SDK1: variants seen among roughly 807,000 people sequenced by gnomAD.
SDK1 encodes protein sidekick-1.
SDK1 carries 157 observed loss-of-function variants against 245.5 expected under a neutral mutation model. The observed-to-expected ratio is 0.64, with a 90% CI of 0.56 to 0.73. The LOEUF is 0.73. Ranked by LOEUF, SDK1 falls within the 30% of genes least tolerant of loss-of-function variation. The pLI, the probability that SDK1 is intolerant of heterozygous loss-of-function variation, is 0.00. For missense variants in SDK1, 3,583 were observed against 3,002.3 expected, an observed-to-expected ratio of 1.19 and a Z score of -4.52; for synonymous variants, 1,647 against 1,278.5, an observed-to-expected ratio of 1.29 and a Z score of -6.15.
At chr7:3,820,756 A>G (rs1023681674) in intron 4 of SDK1, among the ~76,000 whole-genome samples, 2 of 152,224 alleles carry the variant, frequency 1.3e-5, no homozygotes, top group African/African-American at 4.8e-5. Context: ...GGCGCAGAGA[A>G]AGGGCAGGTG....
chr7:3,811,770 A>G (rs1252399650), intron 4 of SDK1, among the ~76,000 whole-genome samples: 3 of 152,198 alleles, frequency 2.0e-5, no homozygotes, highest in African/African-American at 4.8e-5. Flanking sequence ...GTCAGCAGGG[A>G]TGGCATTTCC....
chr7:3,532,101 T>C (rs1371551800), intron 1 of SDK1, among the ~76,000 whole-genome samples: 1 of 152,214 alleles, frequency 6.6e-6, no homozygotes, highest in African/African-American at 2.4e-5. Flanking sequence ...TTCTACCTTC[T>C]TACTTTTCTG....
rs1788468431 is a variant in SDK1 at position 4,266,362 on chromosome 7, G to A, written c.*978G>A. 5.1e-6 allele frequency: 5 copies of A among 985,294 alleles called. No individual in the cohort carries two copies. In the South Asian group the frequency reaches 2.3e-4, roughly 46 times the overall value. 61.0% of individuals were successfully genotyped at this position (985,294 alleles called of 1,614,324 possible). On this transcript the variant is annotated 3_prime_UTR_variant, in exon 45 of 45. Coordinates refer to ENST00000404826, the MANE Select transcript of SDK1 (RefSeq NM_152744.4). The stretch of plus-strand genomic sequence containing the variant: ...GTTCAGCTTTGTACATGGGAAAGAT[G>A]AAAAGCAACAGTGTCTGCAAATAAA...
chr7:3,660,238 C>T (rs1425376522), intron 4 of SDK1, among the ~76,000 whole-genome samples: 2 of 151,750 alleles, frequency 1.3e-5, no homozygotes, highest in Non-Finnish European at 2.9e-5. Context: ...ATAAGACACC[C>T]ATGAAAATAT....
chr7:3,316,902 G>C (rs1241957059), intron 1 of SDK1, among the ~76,000 whole-genome samples: 3 of 152,044 alleles, frequency 2.0e-5, no homozygotes, highest in Admixed American at 2.0e-4. Flanking sequence ...CTGGGGGTCT[G>C]GGTACTGTGG....
intron 4 of SDK1, among the ~76,000 whole-genome samples, chr7:3,675,376 T>G (rs936820966): frequency 6.6e-6 from 1 of 152,238 alleles, no homozygotes; most frequent in African/African-American, 2.4e-5. Context: ...CTAGTCTTCT[T>G]GCTTGCTTGT....
At chr7:3,852,275 C>G (rs886908039) in intron 5 of SDK1, among the ~76,000 whole-genome samples, 1 of 151,502 alleles carries the variant, frequency 6.6e-6, no homozygotes, top group Non-Finnish European at 1.5e-5. Context: ...AGAAAACTGG[C>G]CAGCCGAGAG....
intron 1 of SDK1, among the ~76,000 whole-genome samples, chr7:3,404,872 G>A (rs1348179000): frequency 6.6e-6 from 1 of 152,160 alleles, no homozygotes; most frequent in African/African-American, 2.4e-5. Context: ...TTAATTTTGT[G>A]CTCTGTAATG....
At chr7:4,023,667 T>C (rs1259855251) in intron 17 of SDK1, among the ~76,000 whole-genome samples, 1 of 152,244 alleles carries the variant, frequency 6.6e-6, no homozygotes, top group Non-Finnish European at 1.5e-5. Context: ...TGCCAGTGTT[T>C]ACTTCAGCAA....
intron 14 of SDK1, among the ~76,000 whole-genome samples, chr7:4,007,268 G>A (rs990052548): frequency 6.6e-6 from 1 of 152,188 alleles, no homozygotes; most frequent in Non-Finnish European, 1.5e-5. Flanking sequence ...CCTCAGAGCG[G>A]GTTTCACTCT....
Position 4,137,249 on chromosome 7 carries a change from C to T in SDK1, c.4228+4826C>T, listed in dbSNP as rs373410631. The stretch of plus-strand genomic sequence containing the variant: ...GGCGGAGGTTGCAGTGAGCCAAGAT[C>T]GTGCCACTGCACTCCAGCCTGGGTG... On this transcript the variant is annotated intron_variant, in intron 28 of 44. Coordinates refer to ENST00000404826, the MANE Select transcript of SDK1 (RefSeq NM_152744.4). Among the ~76,000 whole-genome samples the T allele has an allele frequency of 5.9e-5, 9 of 152,190 alleles. 1 individual carries two copies. The highest frequency in any genetic ancestry group is 1.9e-4 in the East Asian group (1 of 5,186).
intron 4 of SDK1, among the ~76,000 whole-genome samples, chr7:3,812,931 C>G (rs1374844510): frequency 6.6e-6 from 1 of 152,090 alleles, no homozygotes; most frequent in Admixed American, 6.5e-5. Flanking sequence ...AACAGGTTTC[C>G]CAAATTCTTT....
intron 13 of SDK1, among the ~76,000 whole-genome samples, chr7:3,975,508 A>G (rs573552521): frequency 6.6e-6 from 1 of 152,342 alleles, no homozygotes; most frequent in South Asian, 2.1e-4. Context: ...CGAGTATAGG[A>G]GCCGTGACTC....
In SDK1 at chr7:3,802,984, G is replaced by A. The variant is rs191400599; in HGVS notation, c.714-18466G>A. On this transcript the variant is annotated intron_variant, in intron 4 of 44. Coordinates refer to ENST00000404826, the MANE Select transcript of SDK1 (RefSeq NM_152744.4). ...AAATTTTCATTTCTCTGAGATGAACGTTCAGGATTATAATCGGTGGGTCGA... is the reference window on the plus strand; with the variant it reads ...AAATTTTCATTTCTCTGAGATGAACATTCAGGATTATAATCGGTGGGTCGA... 9.9e-5 allele frequency among the ~76,000 whole-genome samples: 15 copies of A among 152,254 alleles called. 1 individual carries two copies. In the East Asian group the frequency reaches 2.7e-3, roughly 27 times the overall value.
intron 1 of SDK1, among the ~76,000 whole-genome samples, chr7:3,444,198 T>TGCCAGCTGTTG (rs1291470729): frequency 6.6e-6 from 1 of 152,228 alleles, no homozygotes; most frequent in Non-Finnish European, 1.5e-5. Context: ...AGCCCAAGTC[T>TGCCAGCTGTTG]GCCAGCTGTT....
intron 4 of SDK1, among the ~76,000 whole-genome samples, chr7:3,698,320 G>C (rs1229265458): frequency 6.6e-6 from 1 of 152,220 alleles, no homozygotes; most frequent in South Asian, 2.1e-4. Flanking sequence ...GCCAAGGCTT[G>C]TGTCTCCTCG....
chr7:4,239,639 C>T (rs1002595198), intron 42 of SDK1, among the ~76,000 whole-genome samples: 1 of 152,154 alleles, frequency 6.6e-6, no homozygotes. Context: ...GCTGGGATTA[C>T]AGGAGTGAGC....
chr7:3,668,608 T>C (rs181481306), intron 4 of SDK1, among the ~76,000 whole-genome samples: 138 of 152,246 alleles, frequency 9.1e-4, no homozygotes, highest in African/African-American at 3.1e-3. Context: ...CTGGCCAATA[T>C]GGTGAAACCC....
intron 7 of SDK1, chr7:3,952,231 C>T (rs1379865845): frequency 1.7e-5 from 6 of 355,484 alleles, no homozygotes; most frequent in Non-Finnish European, 3.1e-5. Flanking sequence ...CTTTAGGCTG[C>T]TAAGCTTTTC....
Sources: gnomAD v4.1 joint callset for allele counts (sites outside exome capture counted in the v4.1 genomes callset) on GRCh38, gnomAD v4.1.1 for gene constraint, MANE v1.5 for transcripts, NCBI Gene and HGNC (gene_info 2026-07-23, HGNC 2026-07-21) for gene names.